The following ALDH1A2 variants were observed in gnomAD, a reference collection of about 807,000 sequenced individuals.
ALDH1A2 encodes retinal dehydrogenase 2.
Under a neutral mutation model 60.3 loss-of-function variants are expected in ALDH1A2, and 27 were observed. That is an observed-to-expected ratio of 0.45 (90% confidence interval 0.33 to 0.62). The LOEUF is 0.62. ALDH1A2 is among the 20% of genes least tolerant of loss of function. The probability of loss-of-function intolerance (pLI) is 0.02; values close to 1 mark genes in which losing one functional copy is unlikely to be tolerated. For missense variants in ALDH1A2, 581 were observed against 643.8 expected, an observed-to-expected ratio of 0.90 and a Z score of 1.06; for synonymous variants, 289 against 232.4, an observed-to-expected ratio of 1.24 and a Z score of -2.21.
At chr15:58,013,404 AT>A (rs1245156339) in intron 3 of ALDH1A2, among the ~76,000 whole-genome samples, 1 of 152,162 alleles carries the variant, frequency 6.6e-6, no homozygotes, top group African/African-American at 2.4e-5. Flanking sequence ...TCTCTTCAAA[AT>A]TCAGTGAGAA....
intron 7 of ALDH1A2, among the ~76,000 whole-genome samples, chr15:57,989,360 C>G (rs1894816801): frequency 6.6e-6 from 1 of 152,100 alleles, no homozygotes; most frequent in Non-Finnish European, 1.5e-5. Context: ...TTAATATGGA[C>G]ATGTAATGTT....
At chr15:58,049,132 G>A (rs1896710349) in intron 1 of ALDH1A2, among the ~76,000 whole-genome samples, 1 of 152,068 alleles carries the variant, frequency 6.6e-6, no homozygotes, top group Admixed American at 6.6e-5. Context: ...CCATGTTGTT[G>A]AATGTATCTT....
intron 7 of ALDH1A2, 112 bp from the exon 8 acceptor site, chr15:57,965,939 C>T (rs1324216260): frequency 1.3e-6 from 1 of 783,570 alleles, no homozygotes; most frequent in East Asian, 2.6e-5. Flanking sequence ...CCCTAAAAGG[C>T]AAGCCAACCC....
intron 3 of ALDH1A2, among the ~76,000 whole-genome samples, chr15:58,011,022 C>A (rs1233812306): frequency 1.3e-5 from 2 of 152,098 alleles, no homozygotes; most frequent in African/African-American, 4.8e-5. Context: ...TATCCAAATA[C>A]GTTAACACAA....
chr15:58,057,212 T>A (rs1218096681), intron 1 of ALDH1A2, among the ~76,000 whole-genome samples: 2 of 152,074 alleles, frequency 1.3e-5, no homozygotes, highest in African/African-American at 4.8e-5. Flanking sequence ...ATTCAAAGAA[T>A]GGAATACTCT....
chr15:57,968,630 C>T (rs1164096209), intron 7 of ALDH1A2, among the ~76,000 whole-genome samples: 2 of 152,208 alleles, frequency 1.3e-5, no homozygotes, highest in African/African-American at 4.8e-5. Context: ...TCATCAGTTA[C>T]AAAACTTAGA....
chr15:58,011,381 G>A (rs1895629090), intron 3 of ALDH1A2, among the ~76,000 whole-genome samples: 1 of 152,098 alleles, frequency 6.6e-6, no homozygotes, highest in Non-Finnish European at 1.5e-5. Context: ...TGAAATATCT[G>A]CTCCATTTAA....
intron 7 of ALDH1A2, among the ~76,000 whole-genome samples, chr15:57,975,778 C>G (rs1211835204): frequency 6.9e-6 from 1 of 145,814 alleles, no homozygotes; most frequent in Admixed American, 7.0e-5. Context: ...CTAGAAAATG[C>G]AGATAATCTA....
intron 1 of ALDH1A2, among the ~76,000 whole-genome samples, chr15:58,035,904 A>G (rs539785145): frequency 6.6e-6 from 1 of 151,622 alleles, no homozygotes; most frequent in East Asian, 1.9e-4. Flanking sequence ...GATTTATTTT[A>G]CTAGTCCCAG....
At chr15:58,034,149 A>G (rs1896317076) in intron 1 of ALDH1A2, among the ~76,000 whole-genome samples, 1 of 151,430 alleles carries the variant, frequency 6.6e-6, no homozygotes, top group Non-Finnish European at 1.5e-5. Flanking sequence ...ATCTCCTTTG[A>G]TTTCTTTCAT....
intron 1 of ALDH1A2, among the ~76,000 whole-genome samples, chr15:58,014,872 G>A (rs1895744260): frequency 6.6e-6 from 1 of 152,190 alleles, no homozygotes; most frequent in Admixed American, 6.5e-5. Flanking sequence ...AAAAGATGGG[G>A]ATGGGGAGTT....
chr15:57,975,126 T>C (rs1003977497), intron 7 of ALDH1A2, among the ~76,000 whole-genome samples: 10 of 152,266 alleles, frequency 6.6e-5, no homozygotes, highest in Non-Finnish European at 1.5e-5. Context: ...GAATGTAAGA[T>C]GGTATAACCG....
intron 4 of ALDH1A2, among the ~76,000 whole-genome samples, chr15:57,999,306 C>A (rs1196505202): frequency 6.6e-6 from 1 of 151,914 alleles, no homozygotes; most frequent in Non-Finnish European, 1.5e-5. Context: ...TGACAAAGGT[C>A]TACTATCCAG....
At chr15:58,022,934 G>A (rs1291609441) in intron 1 of ALDH1A2, among the ~76,000 whole-genome samples, 4 of 152,010 alleles carry the variant, frequency 2.6e-5, no homozygotes, top group Admixed American at 6.6e-5. Flanking sequence ...TCAACATAAG[G>A]ACAACATGAA....
At chr15:58,063,553 T>TAA (rs4646553) in intron 1 of ALDH1A2, among the ~76,000 whole-genome samples, 1 of 149,962 alleles carries the variant, frequency 6.7e-6, no homozygotes, top group Non-Finnish European at 1.5e-5. Flanking sequence ...TCTTCACGTT[T>TAA]AAAAAAAAAA....
intron 7 of ALDH1A2, among the ~76,000 whole-genome samples, chr15:57,979,410 C>T (rs1181648563): frequency 2.0e-5 from 3 of 152,224 alleles, no homozygotes; most frequent in Non-Finnish European, 4.4e-5. Context: ...TACTGGTTCC[C>T]TCCAAGCCCA....
intron 1 of ALDH1A2, among the ~76,000 whole-genome samples, chr15:58,043,152 T>C (rs1475767011): frequency 6.6e-6 from 1 of 151,932 alleles, no homozygotes; most frequent in African/African-American, 2.4e-5. Flanking sequence ...GTACCAGACC[T>C]GGTGACTGAA....
chr15:57,960,064 C>A (rs770623108), intron 12 of ALDH1A2, among the ~76,000 whole-genome samples: 3 of 152,176 alleles, frequency 2.0e-5, no homozygotes, highest in Admixed American at 6.5e-5. Context: ...CTAAAGGTTT[C>A]CCAGATTTTT....
At chr15:57,984,995 T>A (rs2140479928) in intron 7 of ALDH1A2, among the ~76,000 whole-genome samples, 1 of 152,304 alleles carries the variant, frequency 6.6e-6, no homozygotes, top group African/African-American at 2.4e-5. Flanking sequence ...ATATAATCAT[T>A]TTTATATATT....
Sources: gnomAD v4.1 joint callset for allele counts (sites outside exome capture counted in the v4.1 genomes callset) on GRCh38, gnomAD v4.1.1 for gene constraint, MANE v1.5 for transcripts, NCBI Gene and HGNC (gene_info 2026-07-23, HGNC 2026-07-21) for gene names.